CSMD1: variants seen among roughly 807,000 people sequenced by gnomAD.
The protein encoded by CSMD1 is CUB and sushi domain-containing protein 1.
In CSMD1, 213 loss-of-function variants were observed where a neutral mutation model predicts 417.5. That is an observed-to-expected ratio of 0.51 (90% CI 0.46 to 0.57). The LOEUF (loss-of-function observed/expected upper bound fraction) is 0.57. Among genes scored for constraint, CSMD1 ranks in the 20% least tolerant of loss-of-function variants. The probability of loss-of-function intolerance (pLI) is 0.00; values close to 1 mark genes in which losing one functional copy is unlikely to be tolerated. For missense variants in CSMD1, 6,923 were observed against 4,529.7 expected (o/e 1.53, Z -15.17); for synonymous variants, 2,862 against 1,736.8 (o/e 1.65, Z -16.11).
intron 25 of CSMD1, among the ~76,000 whole-genome samples, chr8:3,298,782 G>A (rs1419318495): frequency 1.3e-5 from 2 of 152,044 alleles, no homozygotes; most frequent in Non-Finnish European, 2.9e-5. Flanking sequence ...TTCAAATTTG[G>A]CAAAACTCTT....
At chr8:4,082,216 G>A (rs1800175633) in intron 3 of CSMD1, among the ~76,000 whole-genome samples, 1 of 152,102 alleles carries the variant, frequency 6.6e-6, no homozygotes, top group South Asian at 2.1e-4. Flanking sequence ...CCAAAATTAT[G>A]ACCACACAGG....
At chr8:4,835,884 G>A (rs1585184961) in intron 1 of CSMD1, among the ~76,000 whole-genome samples, 1 of 151,778 alleles carries the variant, frequency 6.6e-6, no homozygotes, top group Admixed American at 6.6e-5. Flanking sequence ...TTTAAATGCT[G>A]CCTCTTTTTC....
chr8:3,209,444 G>A (rs1404048031), intron 30 of CSMD1, among the ~76,000 whole-genome samples: 1 of 152,002 alleles, frequency 6.6e-6, no homozygotes, highest in Non-Finnish European at 1.5e-5. Context: ...AGCCTCCCGA[G>A]TAGCTGGGAC....
intron 4 of CSMD1, among the ~76,000 whole-genome samples, chr8:4,013,851 G>C (rs1796395159): frequency 6.6e-6 from 1 of 152,130 alleles, no homozygotes; most frequent in Non-Finnish European, 1.5e-5. Flanking sequence ...TACAGTGACA[G>C]ACAAGGGTAG....
intron 10 of CSMD1, among the ~76,000 whole-genome samples, chr8:3,558,369 G>GAACTCCGTGTTCACTCCTCCAATGATGAA: frequency 9.8e-6 from 1 of 102,522 alleles, no homozygotes; most frequent in Admixed American, 9.2e-5. Flanking sequence ...ATGATGAATG[G>GAACTCCGTGTTCACTCCTCCAATGATGAA]TGCCTCAGTA....
intron 1 of CSMD1, among the ~76,000 whole-genome samples, chr8:4,949,990 T>A (rs1473319676): frequency 6.6e-6 from 1 of 152,138 alleles, no homozygotes; most frequent in Non-Finnish European, 1.5e-5. Flanking sequence ...TTTATCTAAT[T>A]GGTCACGACT....
chr8:3,427,045 T>A (rs944530216), intron 12 of CSMD1, among the ~76,000 whole-genome samples: 1 of 152,128 alleles, frequency 6.6e-6, no homozygotes, highest in Non-Finnish European at 1.5e-5. Context: ...ACACATCTCA[T>A]GAGAACTCAC....
chr8:3,836,472 T>C (rs989465417), intron 5 of CSMD1, among the ~76,000 whole-genome samples: 4 of 152,170 alleles, frequency 2.6e-5, no homozygotes, highest in African/African-American at 4.8e-5. Context: ...GTAGAGGAGA[T>C]GTAGCAGAGA....
intron 50 of CSMD1, among the ~76,000 whole-genome samples, chr8:3,049,861 T>C (rs933346260): frequency 6.6e-5 from 10 of 152,098 alleles, no homozygotes; most frequent in Admixed American, 2.6e-4. Context: ...ATGCACATGT[T>C]GCGGACGGTG....
intron 6 of CSMD1, among the ~76,000 whole-genome samples, chr8:3,711,766 T>C (rs1480750398): frequency 3.3e-5 from 5 of 152,220 alleles, no homozygotes; most frequent in Admixed American, 3.3e-4. Context: ...TATCTTGTGC[T>C]GAAATAACTT....
chr8:3,100,207 C>A (rs1472461904), intron 46 of CSMD1, among the ~76,000 whole-genome samples: 2 of 152,022 alleles, frequency 1.3e-5, no homozygotes, highest in African/African-American at 2.4e-5. Context: ...GCACACCACC[C>A]CTCCTGGCTA....
intron 1 of CSMD1, among the ~76,000 whole-genome samples, chr8:4,926,087 G>A (rs1389765592): frequency 1.3e-5 from 2 of 152,072 alleles, no homozygotes; most frequent in East Asian, 3.8e-4. Flanking sequence ...TTATTCTTTT[G>A]AATTGTTTTT....
intron 3 of CSMD1, among the ~76,000 whole-genome samples, chr8:4,299,403 TGA>T (rs751525955): frequency 6.6e-6 from 1 of 152,180 alleles, no homozygotes; most frequent in Non-Finnish European, 1.5e-5. Context: ...CGTCTCAACA[TGA>T]GAGAGGTGAT....
At chr8:3,407,343 T>C (rs968540273) in intron 14 of CSMD1, among the ~76,000 whole-genome samples, 2 of 150,492 alleles carry the variant, frequency 1.3e-5, no homozygotes, top group Admixed American at 6.6e-5. Context: ...GGATGAATGA[T>C]GAATGGATGG....
intron 5 of CSMD1, among the ~76,000 whole-genome samples, chr8:3,895,924 A>G (rs1232127837): frequency 1.3e-5 from 2 of 152,194 alleles, no homozygotes; most frequent in African/African-American, 4.8e-5. Flanking sequence ...TGGGAGAGGC[A>G]CCAACCAATA....
chr8:3,823,484 G>C (rs1019283178), intron 5 of CSMD1, among the ~76,000 whole-genome samples: 8 of 152,060 alleles, frequency 5.3e-5, no homozygotes, highest in African/African-American at 1.4e-4. Flanking sequence ...ATGTATTTTT[G>C]AACCATTTAG....
At chr8:3,352,794 C>T (rs1037157980) in intron 21 of CSMD1, among the ~76,000 whole-genome samples, 10 of 152,110 alleles carry the variant, frequency 6.6e-5, no homozygotes, top group African/African-American at 1.7e-4. Context: ...GAACCAAGAT[C>T]GTGCCATTGC....
chr8:3,175,510 T>TGCCTGCCTGCC (rs1554451344), intron 37 of CSMD1, among the ~76,000 whole-genome samples: 2 of 132,948 alleles, frequency 1.5e-5, no homozygotes, highest in Non-Finnish European at 3.2e-5. Context: ...CCTGCCTGCC[T>TGCCTGCCTGCC]TTTTTCCTTC....
At chr8:4,204,338 T>C (rs1236921652) in intron 3 of CSMD1, among the ~76,000 whole-genome samples, 1 of 152,176 alleles carries the variant, frequency 6.6e-6, no homozygotes, top group Non-Finnish European at 1.5e-5. Flanking sequence ...AAAAATGTCC[T>C]ATTTCCACTT....
Sources: gnomAD v4.1 joint callset for allele counts (sites outside exome capture counted in the v4.1 genomes callset) on GRCh38, gnomAD v4.1.1 for gene constraint, MANE v1.5 for transcripts, NCBI Gene and HGNC (gene_info 2026-07-23, HGNC 2026-07-21) for gene names.